LRP1B: variants seen among roughly 807,000 people sequenced by gnomAD.
LRP1B encodes LDL receptor related protein 1B.
Under a neutral mutation model 556.6 loss-of-function variants are expected in LRP1B, and 217 were observed. The ratio of observed to expected loss-of-function variants is 0.39; its 90% CI spans 0.35 to 0.44. The LOEUF (loss-of-function observed/expected upper bound fraction) is 0.44, where lower values mean the gene tolerates loss of function less well. Ranked by LOEUF, LRP1B falls within the 20% of genes least tolerant of loss-of-function variation. The pLI is 1.00. For missense variants in LRP1B, 5,053 were observed against 5,620.8 expected, an observed-to-expected ratio of 0.90 and a Z score of 3.23; for synonymous variants, 2,047 against 1,865.8, an observed-to-expected ratio of 1.10 and a Z score of -2.50.
At chr2:140,656,269 T>C (rs893256420) in intron 41 of LRP1B, among the ~76,000 whole-genome samples, 6 of 152,200 alleles carry the variant, frequency 3.9e-5, no homozygotes, top group Non-Finnish European at 8.8e-5. Context: ...ACATAGAAAC[T>C]GGACATTTTT....
At chr2:141,868,029 A>G (rs898281642) in intron 1 of LRP1B, among the ~76,000 whole-genome samples, 12 of 152,142 alleles carry the variant, frequency 7.9e-5, no homozygotes, top group Admixed American at 7.2e-4. Context: ...CAGTCATTTA[A>G]TGTAGTCCTT....
chr2:140,362,613 G>T (rs1208956287), intron 72 of LRP1B, among the ~76,000 whole-genome samples: 2 of 151,534 alleles, frequency 1.3e-5, no homozygotes, highest in Non-Finnish European at 3.0e-5. Context: ...GTAAGCCATG[G>T]TTTGCTCTGC....
At chr2:141,377,526 C>A (rs1689484111) in intron 3 of LRP1B, among the ~76,000 whole-genome samples, 1 of 151,952 alleles carries the variant, frequency 6.6e-6, no homozygotes, top group Non-Finnish European at 1.5e-5. Context: ...TTTTAGTTAT[C>A]CTCAGATCTC....
At chr2:141,885,219 G>A (rs1699073277) in intron 1 of LRP1B, among the ~76,000 whole-genome samples, 1 of 152,166 alleles carries the variant, frequency 6.6e-6, no homozygotes, top group Non-Finnish European at 1.5e-5. Flanking sequence ...CAGTATGAAA[G>A]AGAGTAGATA....
intron 1 of LRP1B, among the ~76,000 whole-genome samples, chr2:142,031,617 A>G (rs1187053847): frequency 1.4e-5 from 2 of 141,694 alleles, no homozygotes; most frequent in East Asian, 3.9e-4. Context: ...TCAACTAAAA[A>G]AAAAATGACA....
At chr2:141,004,917 C>T (rs923554858) in intron 15 of LRP1B, among the ~76,000 whole-genome samples, 1 of 152,002 alleles carries the variant, frequency 6.6e-6, no homozygotes, top group Non-Finnish European at 1.5e-5. Context: ...CTTTACAAGT[C>T]TTTTTCCCTC....
At chr2:141,506,449 G>A (rs983132322) in intron 2 of LRP1B, among the ~76,000 whole-genome samples, 1 of 152,070 alleles carries the variant, frequency 6.6e-6, no homozygotes, top group African/African-American at 2.4e-5. Context: ...AATTACCTAT[G>A]CAATTAGAGT....
chr2:142,014,216 G>A lies in LRP1B; in HGVS notation c.82+116432C>T, dbSNP rs537332344. Among the ~76,000 whole-genome samples, 320 of 140,194 alleles carry A rather than the reference G, an allele frequency of 2.3e-3. 2 individuals are homozygous for A. Among genetic ancestry groups the A allele is most frequent in the Admixed American group, 3.7e-3 (55 of 14,728 alleles). The allele number at this position is 140,194 out of a possible 152,430, so 92.0% of individuals were successfully genotyped here. On this transcript the variant is annotated intron_variant, in intron 1 of 90. Coordinates refer to ENST00000389484, the MANE Select transcript of LRP1B (RefSeq NM_018557.3). ...TGTTTTCACTTTGCACTGTGGACTC[G>A]CCCTGAATCCTTTCTTGCACGAGAT...
chr2:140,916,274 C>A (rs1694576963), intron 21 of LRP1B, among the ~76,000 whole-genome samples: 2 of 152,022 alleles, frequency 1.3e-5, no homozygotes, highest in South Asian at 4.1e-4. Context: ...AATCACTGTA[C>A]CATTATAGGA....
At chr2:140,416,870 A>G (rs1033937865) in intron 66 of LRP1B, among the ~76,000 whole-genome samples, 1 of 152,110 alleles carries the variant, frequency 6.6e-6, no homozygotes, top group African/African-American at 2.4e-5. Flanking sequence ...CACTTGTTTC[A>G]GTCACAGTTT....
chr2:141,539,419 C>A (rs1685177439), intron 2 of LRP1B, among the ~76,000 whole-genome samples: 1 of 152,148 alleles, frequency 6.6e-6, no homozygotes, highest in African/African-American at 2.4e-5. Flanking sequence ...GTTTCTCAAT[C>A]AAATTCTATG....
intron 32 of LRP1B, among the ~76,000 whole-genome samples, chr2:140,799,426 T>C (rs1690427303): frequency 6.6e-6 from 1 of 152,196 alleles, no homozygotes; most frequent in Admixed American, 6.5e-5. Flanking sequence ...GCACCTTGAC[T>C]TTGGACTTTC....
intron 1 of LRP1B, among the ~76,000 whole-genome samples, chr2:141,883,167 C>A (rs1699009872): frequency 6.6e-6 from 1 of 152,110 alleles, no homozygotes; most frequent in African/African-American, 2.4e-5. Flanking sequence ...ACCATCCCAG[C>A]CATTTTCAAA....
chr2:140,648,150 G>T (rs1433946577), intron 41 of LRP1B, among the ~76,000 whole-genome samples: 1 of 152,172 alleles, frequency 6.6e-6, no homozygotes, highest in African/African-American at 2.4e-5. Context: ...GGACATGGAT[G>T]AAGCTAGAAA....
intron 7 of LRP1B, among the ~76,000 whole-genome samples, chr2:141,120,960 AT>A (rs1187051842): frequency 2.0e-5 from 3 of 152,064 alleles, no homozygotes; most frequent in Non-Finnish European, 2.9e-5. Context: ...GATAAAAAAA[AT>A]AACATTAATT....
chr2:141,283,875 T>C (rs951077039), intron 3 of LRP1B, among the ~76,000 whole-genome samples: 3 of 151,862 alleles, frequency 2.0e-5, no homozygotes, highest in East Asian at 1.9e-4. Context: ...GGGAATAATA[T>C]AGGTATTTTA....
At chr2:140,705,557 A>C (rs1306813519) in intron 37 of LRP1B, among the ~76,000 whole-genome samples, 3 of 137,788 alleles carry the variant, frequency 2.2e-5, no homozygotes, top group South Asian at 4.7e-4. Flanking sequence ...AAAAAAAAAA[A>C]AAACACAGAC....
chr2:141,869,164 C>T (rs538241227), intron 1 of LRP1B, among the ~76,000 whole-genome samples: 1 of 152,178 alleles, frequency 6.6e-6, no homozygotes, highest in African/African-American at 2.4e-5. Flanking sequence ...ATAGAATGTG[C>T]AATGATGAAA....
chr2:140,757,762 T>C (rs1559100528), intron 35 of LRP1B, among the ~76,000 whole-genome samples: 1 of 152,106 alleles, frequency 6.6e-6, no homozygotes, highest in African/African-American at 2.4e-5. Context: ...GCGCCTGTAG[T>C]CCCAGCTACT....
Sources: allele counts gnomAD v4.1 joint callset (sites outside exome capture counted in the v4.1 genomes callset), GRCh38; gene constraint gnomAD v4.1.1; transcripts MANE v1.5; gene names NCBI Gene and HGNC (gene_info 2026-07-23, HGNC 2026-07-21).